The following AJAP1 variants were observed in gnomAD, a reference collection of about 807,000 sequenced individuals.
AJAP1 encodes adherens junctions associated protein 1, also known as adherens junction-associated protein 1.
A neutral mutation model predicts 35.0 loss-of-function variants in AJAP1; 5 were observed. The ratio of observed to expected loss-of-function variants is 0.14; its 90% CI spans 0.07 to 0.30. The LOEUF (loss-of-function observed/expected upper bound fraction) is 0.30. Ranked by LOEUF, AJAP1 falls within the 10% of genes least tolerant of loss-of-function variation. The probability of loss-of-function intolerance (pLI) is 1.00; values close to 1 mark genes in which losing one functional copy is unlikely to be tolerated. For synonymous variants in AJAP1, 284 were observed against 249.3 expected (o/e 1.14, Z -1.31); for missense variants, 586 against 571.0 (o/e 1.03, Z -0.27).
rs916822934 is a variant in AJAP1 at position 4,734,098 on chromosome 1, A to C, written c.829+21399A>C. Reference sequence around the variant, plus strand: ...CAGGAAAAGCGAGAGCGATTTGCAAAAGGCCCCTTCAATCATGACAATTAA... The same window carrying C: ...CAGGAAAAGCGAGAGCGATTTGCAACAGGCCCCTTCAATCATGACAATTAA... On this transcript the variant is annotated intron_variant, in intron 2 of 5. Transcript: ENST00000378191. The surrounding 1 kb of genome is among the most constrained non-coding windows in gnomAD (Gnocchi z 4.3). 2.0e-5 allele frequency among the ~76,000 whole-genome samples: 3 copies of C among 152,180 alleles called. No homozygotes were observed. The highest frequency in any genetic ancestry group is 7.2e-5 in the African/African-American group (3 of 41,440).
At chr1:4,775,616 G>A (rs983474154) in intron 5 of AJAP1, among the ~76,000 whole-genome samples, 6 of 152,152 alleles carry the variant, frequency 3.9e-5, no homozygotes, top group Admixed American at 6.5e-5. Flanking sequence ...GGAGTGAATC[G>A]GTCAGTTCCT....
At chr1:4,755,782 CA>C (rs1382006862) in intron 2 of AJAP1, among the ~76,000 whole-genome samples, 3 of 148,808 alleles carry the variant, frequency 2.0e-5, no homozygotes, top group Middle Eastern at 6.9e-3. Context: ...ACAGCCTGGG[CA>C]AATGGGAATT....
chr1:4,707,208 G>A (rs981571248), intron 1 of AJAP1, among the ~76,000 whole-genome samples: 1 of 152,090 alleles, frequency 6.6e-6, no homozygotes, highest in African/African-American at 2.4e-5. Context: ...AGGGTGCCAC[G>A]CCATGCACTC....
At chr1:4,707,503 C>T (rs72638828) in intron 1 of AJAP1, among the ~76,000 whole-genome samples, 11,473 of 152,146 alleles carry the variant, frequency 0.075, 657 homozygotes, top group East Asian at 0.28. Flanking sequence ...TAAACGGAAC[C>T]GGGCACCGTG....
Position 4,789,829 on chromosome 1 carries a change from G to C in AJAP1, c.*7344G>C, listed in dbSNP as rs2100386912. On this transcript the variant is annotated 3_prime_UTR_variant, in exon 6 of 6. Coordinates refer to ENST00000378191, the MANE Select transcript of AJAP1 (RefSeq NM_018836.4). The surrounding 1 kb of genome is among the most constrained non-coding windows in gnomAD (Gnocchi z 4.4). ...TTTGTTTTGTTTTCGGCACCATTATGTACGATGAAGACTTACAGCCACTGC... is the reference window on the plus strand; with the variant it reads ...TTTGTTTTGTTTTCGGCACCATTATCTACGATGAAGACTTACAGCCACTGC... 1 of 151,836 alleles carries C rather than the reference G, an allele frequency of 6.6e-6. No individual in the cohort carries two copies. The highest frequency in any genetic ancestry group is 2.4e-5 in the African/African-American group (1 of 41,208). The allele number at this position is 151,836 out of a possible 1,614,324, so 9.4% of individuals were successfully genotyped here. A position where few individuals can be genotyped will look rare whatever the true frequency, so the allele number is the denominator to read the frequency against.
chr1:4,692,382 G>C lies in AJAP1; in HGVS notation c.30-19518G>C, dbSNP rs1639762214. Among the ~76,000 whole-genome samples, 2 of 152,154 alleles carry C rather than the reference G, an allele frequency of 1.3e-5. No homozygotes were observed. Among genetic ancestry groups the C allele is most frequent in the African/African-American group, 4.8e-5 (2 of 41,442 alleles). On this transcript the variant is annotated intron_variant, in intron 1 of 5. Transcript: ENST00000378191. This position sits in a 1 kb window ranked among gnomAD's most constrained non-coding sequence, Gnocchi z 4.4. ...GCCTCTCAGCCTGCAGGAGAGGCTG[G>C]GGGGCACGTCTGAGGGTGCAGCAGA...
rs990848531 is a variant in AJAP1 at position 4,693,587 on chromosome 1, T to C, written c.30-18313T>C. 2.0e-5 allele frequency among the ~76,000 whole-genome samples: 3 copies of C among 152,186 alleles called. No individual in the cohort carries two copies. In the South Asian group the frequency reaches 6.2e-4, roughly 31 times the overall value. On this transcript the variant is annotated intron_variant, in intron 1 of 5. Transcript: ENST00000378191. The surrounding 1 kb of genome is among the most constrained non-coding windows in gnomAD (Gnocchi z 4.4). ...CGGGAGGGGAGGAAGAGTTGCCAGCTCATGTCAGACTTGATTAGTGCCTGT... is the reference window on the plus strand; with the variant it reads ...CGGGAGGGGAGGAAGAGTTGCCAGCCCATGTCAGACTTGATTAGTGCCTGT...
chr1:4,730,960 C>T (rs1453893354), intron 2 of AJAP1, among the ~76,000 whole-genome samples: 1 of 152,226 alleles, frequency 6.6e-6, no homozygotes, highest in Non-Finnish European at 1.5e-5. Flanking sequence ...CTTAGTCTCA[C>T]TCGTAAACTC....
At chr1:4,687,269 A>G (rs567693881) in intron 1 of AJAP1, among the ~76,000 whole-genome samples, 1 of 152,346 alleles carries the variant, frequency 6.6e-6, no homozygotes. Flanking sequence ...AGACCCTGGG[A>G]GAGTTTATTC....
intron 2 of AJAP1, 71 bp downstream of exon 2, chr1:4,712,770 C>T: frequency 7.0e-7 from 1 of 1,419,220 alleles, no homozygotes. Context: ...GGGAGAGATG[C>T]TTAGATGTCC....
chr1:4,779,340 CTT>C (rs57812997), intron 5 of AJAP1, among the ~76,000 whole-genome samples: 4 of 144,248 alleles, frequency 2.8e-5, no homozygotes, highest in Non-Finnish European at 3.1e-5. Context: ...TTTTCTTTTT[CTT>C]TTTTTTTTTT....
intron 2 of AJAP1, among the ~76,000 whole-genome samples, chr1:4,738,012 C>T (rs1640968550): frequency 6.6e-6 from 1 of 152,244 alleles, no homozygotes; most frequent in Admixed American, 6.5e-5. Flanking sequence ...TGGTTAAACT[C>T]CAAAGGTGTG....
At chr1:4,762,357 ATACAACGG>A (rs1221318445) in intron 2 of AJAP1, among the ~76,000 whole-genome samples, 19 of 152,202 alleles carry the variant, frequency 1.2e-4, no homozygotes, top group Admixed American at 1.2e-3. Flanking sequence ...TGGCCAGATA[ATACAACGG>A]TACAACTTAT....
Position 4,736,496 on chromosome 1 carries a change from C to T in AJAP1, c.829+23797C>T, listed in dbSNP as rs186944547. ...TCTTCCTCTAATCCTCTGTGGCCAG[C>T]GATAATCTCTTCCTTCCTCAAATGT... On this transcript the variant is annotated intron_variant, in intron 2 of 5. Transcript: ENST00000378191. Among the ~76,000 whole-genome samples, 356 of 152,338 alleles carry T rather than the reference C, an allele frequency of 2.3e-3. 6 individuals are homozygous for T. The highest frequency in any genetic ancestry group is 0.019 in the Admixed American group (289 of 15,302).
At chr1:4,733,403 C>T (rs1348303812) in intron 2 of AJAP1, among the ~76,000 whole-genome samples, 5 of 149,102 alleles carry the variant, frequency 3.4e-5, no homozygotes, top group South Asian at 2.2e-4. Flanking sequence ...GAATCTCATT[C>T]GCTTGTTCAC....
At chr1:4,662,169 C>T (rs1306933292) in intron 1 of AJAP1, among the ~76,000 whole-genome samples, 1 of 152,120 alleles carries the variant, frequency 6.6e-6, no homozygotes, top group East Asian at 1.9e-4. Context: ...GGCCGAGTTG[C>T]ACAACTATTG....
intron 2 of AJAP1, among the ~76,000 whole-genome samples, chr1:4,763,249 G>C (rs1053731617): frequency 1.3e-5 from 2 of 152,200 alleles, no homozygotes; most frequent in African/African-American, 4.8e-5. Context: ...GAGGACCACT[G>C]CTCCACCTGC....
At chr1:4,754,596 C>T (rs74051959) in intron 2 of AJAP1, among the ~76,000 whole-genome samples, 2,300 of 152,312 alleles carry the variant, frequency 0.015, 58 homozygotes, top group African/African-American at 0.052. Context: ...CAACATCTCA[C>T]GTCTTCTAAA....
intron 2 of AJAP1, among the ~76,000 whole-genome samples, chr1:4,725,360 C>T (rs918146145): frequency 1.3e-5 from 2 of 152,100 alleles, no homozygotes; most frequent in Admixed American, 1.3e-4. Context: ...GTGTAGAATC[C>T]CGCATCTTCT....
Sources: gnomAD v4.1 joint callset for allele counts (sites outside exome capture counted in the v4.1 genomes callset) on GRCh38, gnomAD v4.1.1 for gene constraint, Gnocchi (gnomAD v3.1) non-coding constraint, MANE v1.5 for transcripts, NCBI Gene and HGNC (gene_info 2026-07-23, HGNC 2026-07-21) for gene names.